Variants in CHST3 observed in about 807,000 individuals in gnomAD.
CHST3 encodes the protein C6ST-1.
A neutral mutation model predicts 35.4 loss-of-function variants in CHST3; 20 were observed. The ratio of observed to expected loss-of-function variants is 0.57; its 90% CI spans 0.40 to 0.82. The LOEUF is 0.82. Among genes scored for constraint, CHST3 ranks in the 40% least tolerant of loss-of-function variants. The pLI, the probability that CHST3 is intolerant of heterozygous loss-of-function variation, is 0.00. For synonymous variants in CHST3, 334 were observed against 295.9 expected (o/e 1.13, Z -1.32); for missense variants, 693 against 670.1 (o/e 1.03, Z -0.38).
rs1589511974 is a variant in CHST3, at chr10:72,011,819, C to G, written c.*3348C>G. The G allele has an allele frequency of 6.6e-6, 1 of 152,234 alleles. No individual in the cohort carries two copies. The highest frequency in any genetic ancestry group is 1.5e-5 in the Non-Finnish European group (1 of 68,044). The allele number at this position is 152,234 out of a possible 1,614,324, so 9.4% of individuals were successfully genotyped here. On this transcript the variant is annotated 3_prime_UTR_variant, in exon 3 of 3. Coordinates refer to ENST00000373115, the MANE Select transcript of CHST3 (RefSeq NM_004273.5). ...CCACTCTGCCTGTTCCCATCTTCCC[C>G]TCGGGACCTGTTTATAAATTGAGGA...
intron 1 of CHST3, among the ~76,000 whole-genome samples, chr10:71,965,988 T>C (rs986244878): frequency 1.3e-5 from 2 of 151,982 alleles, no homozygotes; most frequent in African/African-American, 4.8e-5. Flanking sequence ...GGGGTTGATG[T>C]GGGTTTTGGT....
At chr10:71,969,811 G>T (rs1839671747) in intron 1 of CHST3, among the ~76,000 whole-genome samples, 1 of 152,194 alleles carries the variant, frequency 6.6e-6, no homozygotes, top group Non-Finnish European at 1.5e-5. Context: ...TGAAGCCCCA[G>T]GAGGGGCCGT....
Position 72,007,596 on chromosome 10 carries a change from C to T in CHST3, c.565C>T (p.Arg189Cys). 3 of 1,609,640 alleles carry T rather than the reference C, an allele frequency of 1.9e-6. No individual in the cohort carries two copies. The South Asian group carries it at 3.3e-5, about 18-fold the overall frequency. Reference sequence around the variant, plus strand: ...CGCCGCGGGCTCGGCCCTGGTGTACCGCGACGTGCTCAAGCAGCTCTTCCT... The same window carrying T: ...CGCCGCGGGCTCGGCCCTGGTGTACTGCGACGTGCTCAAGCAGCTCTTCCT... Reference protein sequence around the residue: ...ANAAGSALVYRDVLKQLFLCD... With the variant: ...ANAAGSALVYCDVLKQLFLCD... Residue 189 changes from arginine (R) to cysteine (C), a missense_variant, in exon 3 of 3, where the codon CGC (arginine) becomes TGC (cysteine). By Grantham distance (180) the Arg-to-Cys change is radical (BLOSUM62 -3). Coordinates refer to ENST00000373115, the MANE Select transcript of CHST3 (RefSeq NM_004273.5).
chr10:72,011,719 C>G lies in CHST3; in HGVS notation c.*3248C>G, dbSNP rs1840112258. The G allele has an allele frequency of 6.6e-6, 1 of 152,336 alleles. No individual in the cohort carries two copies. The highest frequency in any genetic ancestry group is 6.5e-5 in the Admixed American group (1 of 15,296). The allele number at this position is 152,336 out of a possible 1,614,324, so 9.4% of individuals were successfully genotyped here. On this transcript the variant is annotated 3_prime_UTR_variant, in exon 3 of 3. Transcript: ENST00000373115. Reference sequence around the variant, plus strand: ...CTTTCTTGTTGATGAGTTCTGCGGCCCAGCATATAGAAATGGCTCAGAACG... The same window carrying G: ...CTTTCTTGTTGATGAGTTCTGCGGCGCAGCATATAGAAATGGCTCAGAACG...
intron 1 of CHST3, among the ~76,000 whole-genome samples, chr10:71,971,300 T>G (rs530905524): frequency 6.6e-6 from 1 of 152,304 alleles, no homozygotes; most frequent in Non-Finnish European, 1.5e-5. Context: ...AGAGGGTGGT[T>G]GTGGGGTGAG....
Position 72,010,309 on chromosome 10 carries a change from GCT to G in CHST3, c.*1841_*1842del, listed in dbSNP as rs1442066185. On this transcript the variant is annotated 3_prime_UTR_variant, in exon 3 of 3. Coordinates refer to ENST00000373115, the MANE Select transcript of CHST3 (RefSeq NM_004273.5). ...GCAAGGGTTTGCCGAGGGCTGCCCA[GCT>G]CTGCTTCTGGTTTCCTGGACAATTT... is the stretch of plus-strand genomic sequence containing the variant. The G allele has an allele frequency of 6.6e-6, 1 of 152,248 alleles. No homozygotes were observed. Among genetic ancestry groups the G allele is most frequent in the Non-Finnish European group, 1.5e-5 (1 of 68,096 alleles). The allele number at this position is 152,248 out of a possible 1,614,324, so 9.4% of individuals were successfully genotyped here.
At chr10:71,970,346 C>G (rs952424681) in intron 1 of CHST3, among the ~76,000 whole-genome samples, 8 of 152,026 alleles carry the variant, frequency 5.3e-5, no homozygotes, top group African/African-American at 1.9e-4. Context: ...TCAGAGGACT[C>G]TATGAAAAGG....
intron 1 of CHST3, among the ~76,000 whole-genome samples, chr10:71,969,221 A>G (rs1412183379): frequency 6.6e-6 from 1 of 152,108 alleles, no homozygotes; most frequent in African/African-American, 2.4e-5. Flanking sequence ...TTGCTTTTAC[A>G]TCCACGCCCC....
chr10:71,966,667 G>T (rs1248147240), intron 1 of CHST3, among the ~76,000 whole-genome samples: 3 of 152,228 alleles, frequency 2.0e-5, no homozygotes, highest in African/African-American at 7.2e-5. Flanking sequence ...CCTGCAGCCA[G>T]TTCCTTCCCT....
chr10:71,988,511 A>G (rs116563551), intron 1 of CHST3, among the ~76,000 whole-genome samples: 2,014 of 152,024 alleles, frequency 0.013, 56 homozygotes, highest in African/African-American at 0.046. Flanking sequence ...CCCATTCTCT[A>G]TCTCTCATTC....
chr10:72,006,887 T>TC (rs1025906646), intron 2 of CHST3, among the ~76,000 whole-genome samples: 5 of 151,820 alleles, frequency 3.3e-5, no homozygotes, highest in African/African-American at 1.2e-4. Flanking sequence ...GGAGTAACTG[T>TC]CCCCCCCAGA....
intron 1 of CHST3, among the ~76,000 whole-genome samples, chr10:71,965,630 G>T (rs972536836): frequency 5.3e-5 from 8 of 152,186 alleles, no homozygotes; most frequent in Non-Finnish European, 1.2e-4. Context: ...GTGTTGCTGG[G>T]CCCCAGGATG....
rs1194313945 is a variant in CHST3, at chr10:72,011,831, T to A, written c.*3360T>A. The A allele has an allele frequency of 6.6e-6, 1 of 152,164 alleles. No individual in the cohort carries two copies. Among genetic ancestry groups the A allele is most frequent in the African/African-American group, 2.4e-5 (1 of 41,430 alleles). 9.4% of individuals were successfully genotyped at this position (152,164 alleles called of 1,614,324 possible). On this transcript the variant is annotated 3_prime_UTR_variant, in exon 3 of 3. Transcript: ENST00000373115. ...TTCCCATCTTCCCCTCGGGACCTGT[T>A]TATAAATTGAGGAATGGATGAGGGC...
chr10:71,981,205 C>G (rs1420190662), intron 1 of CHST3, among the ~76,000 whole-genome samples: 1 of 152,240 alleles, frequency 6.6e-6, no homozygotes, highest in Non-Finnish European at 1.5e-5. Context: ...CCAGCTTTAA[C>G]CGGAAATTTT....
At chr10:71,974,516 G>A (rs1839726660) in intron 1 of CHST3, among the ~76,000 whole-genome samples, 1 of 152,238 alleles carries the variant, frequency 6.6e-6, no homozygotes, top group African/African-American at 2.4e-5. Flanking sequence ...GCCAGGAGCA[G>A]AGCAGGAATG....
At position 72,012,779 on chromosome 10, in the gene CHST3, A is replaced by T. The variant is rs1312547309; in HGVS notation, c.*4308A>T. ...AGCTTCTAGGACAAGGCGCAGCCAG[A>T]TGGAAGGGAGAGGGTCCAGGGCTTC... is the stretch of plus-strand genomic sequence containing the variant. On this transcript the variant is annotated 3_prime_UTR_variant, in exon 3 of 3. Coordinates refer to ENST00000373115, the MANE Select transcript of CHST3 (RefSeq NM_004273.5). 4.6e-5 allele frequency: 7 copies of T among 152,326 alleles called. No individual in the cohort carries two copies. Among genetic ancestry groups the T allele is most frequent in the African/African-American group, 1.7e-4 (7 of 41,460 alleles). 9.4% of individuals were successfully genotyped at this position (152,326 alleles called of 1,614,324 possible).
At chr10:71,989,223 G>T (rs756401919) in intron 1 of CHST3, among the ~76,000 whole-genome samples, 5 of 152,256 alleles carry the variant, frequency 3.3e-5, no homozygotes, top group Admixed American at 6.5e-5. Context: ...GCCAGCCTCA[G>T]CTTGAGCCCA....
chr10:71,971,154 T>TGGC (rs1193984636), intron 1 of CHST3, among the ~76,000 whole-genome samples: 1 of 151,846 alleles, frequency 6.6e-6, no homozygotes, highest in Admixed American at 6.6e-5. Flanking sequence ...ATCCAGGGAG[T>TGGC]GGCTGAGGGC....
chr10:72,005,786 C>T lies in CHST3; in HGVS notation c.-57C>T, dbSNP rs1840032058. On this transcript the variant is annotated 5_prime_UTR_variant, in exon 2 of 3. Coordinates refer to ENST00000373115, the MANE Select transcript of CHST3 (RefSeq NM_004273.5). ...CGGCAAGCTGGGTCCTGAGTGATGC[C>T]CCTCAGCTGAGTGTCCAAGGCTGGC... is the stretch of plus-strand genomic sequence containing the variant. The T allele has an allele frequency of 1.2e-6, 2 of 1,612,120 alleles. No homozygotes were observed. The highest frequency in any genetic ancestry group is 4.5e-5 in the East Asian group (2 of 44,876).
Sources: gnomAD v4.1 joint callset for allele counts (sites outside exome capture counted in the v4.1 genomes callset) on GRCh38, gnomAD v4.1.1 for gene constraint, MANE v1.5 for transcripts, NCBI Gene and HGNC (gene_info 2026-07-23, HGNC 2026-07-21) for gene names.